KIAA0930: variants seen among roughly 807,000 people sequenced by gnomAD.
KIAA0930 encodes uncharacterized protein KIAA0930.
KIAA0930 carries 24 observed loss-of-function variants against 43.9 expected under a neutral mutation model. The observed-to-expected ratio is 0.55, with a 90% CI of 0.40 to 0.77. The LOEUF is 0.77. Ranked by LOEUF, KIAA0930 falls within the 30% of genes least tolerant of loss-of-function variation. The pLI is 0.00. For missense variants in KIAA0930, 461 were observed against 574.2 expected (o/e 0.80, Z 2.02); for synonymous variants, 259 against 216.4 (o/e 1.20, Z -1.73).
intron 1 of KIAA0930, among the ~76,000 whole-genome samples, chr22:45,220,503 CAA>C (rs749095162): frequency 1.3e-5 from 2 of 152,036 alleles, no homozygotes; most frequent in Non-Finnish European, 2.9e-5. Context: ...ATTTAGAGCT[CAA>C]AAGAGAAATA....
rs530491424 is a variant in KIAA0930, at chr22:45,210,152, G to A, written c.216+1804C>T. On this transcript the variant is annotated intron_variant, in intron 2 of 9. Transcript: ENST00000336156. The stretch of plus-strand genomic sequence containing the variant: ...AGTGTCTCAAATGCACCAAGTCCTC[G>A]TTAGAGCCCTGGCTTGCAACAGACT... Among the ~76,000 whole-genome samples the A allele has an allele frequency of 5.9e-5, 9 of 152,284 alleles. No individual in the cohort carries two copies. The South Asian group carries it at 1.4e-3, about 25-fold the overall frequency.
chr22:45,212,314 C>T lies in KIAA0930; in HGVS notation c.65-207G>A, dbSNP rs779434154. 2.5e-6 allele frequency: 4 copies of T among 1,612,740 alleles called. No homozygotes were observed. The Admixed American group carries it at 6.7e-5, about 27-fold the overall frequency. The stretch of plus-strand genomic sequence containing the variant: ...AGGACACCTCCCAGGAGGCCCAGTT[C>T]CTCCACTCAGCAGCAGCCTGAGAGC... On this transcript the variant is annotated intron_variant, in intron 1 of 9. Transcript: ENST00000336156.
chr22:45,213,502 C>G (rs755252950), intron 1 of KIAA0930: 2 of 1,187,384 alleles, frequency 1.7e-6, no homozygotes, highest in Non-Finnish European at 2.1e-6. Context: ...GAACGAAACA[C>G]GCGTGCTGTC....
At chr22:45,239,797 G>C (rs1601830770) in intron 1 of KIAA0930, among the ~76,000 whole-genome samples, 1 of 152,182 alleles carries the variant, frequency 6.6e-6, no homozygotes, top group Non-Finnish European at 1.5e-5. Flanking sequence ...TGACAATGTG[G>C]TATGAAGTCA....
intron 2 of KIAA0930, among the ~76,000 whole-genome samples, chr22:45,210,844 G>T (rs143500514): frequency 1.5e-5 from 1 of 65,534 alleles, no homozygotes; most frequent in Admixed American, 1.5e-4. Context: ...AAACTGCTGC[G>T]CCAAGGCCGC....
At chr22:45,212,526 C>A in intron 1 of KIAA0930, 1 of 1,411,332 alleles carries the variant, frequency 7.1e-7, no homozygotes, top group Non-Finnish European at 9.2e-7. Context: ...ATCTCTCACC[C>A]CCACCCACTC....
intron 5 of KIAA0930, 82 bp downstream of exon 5, chr22:45,205,135 G>C (rs941488337): frequency 2.5e-6 from 3 of 1,176,884 alleles, no homozygotes; most frequent in African/African-American, 3.0e-5. Flanking sequence ...CTTTCTGCAA[G>C]GCTAAGGCCG....
chr22:45,235,069 T>C (rs1236627365), intron 1 of KIAA0930, among the ~76,000 whole-genome samples: 1 of 152,078 alleles, frequency 6.6e-6, no homozygotes, highest in Non-Finnish European at 1.5e-5. Context: ...GCTTGGGGCT[T>C]CTTTACAGCA....
In KIAA0930 at chr22:45,213,599, A is replaced by G. The variant is rs947250368; in HGVS notation, c.65-1492T>C. 4.8e-6 allele frequency: 3 copies of G among 621,074 alleles called. No homozygotes were observed. In the African/African-American group the frequency reaches 6.0e-5, roughly 12 times the overall value. The allele number at this position is 621,074 out of a possible 1,614,324, so 38.5% of individuals were successfully genotyped here. ...CTACAGACCCTTGCAAAATTAAGCA[A>G]AGCGCTGTGATTATTCCTGGATAAA... On this transcript the variant is annotated intron_variant, in intron 1 of 9. Coordinates refer to ENST00000336156, the MANE Select transcript of KIAA0930 (RefSeq NM_001009880.2).
chr22:45,225,264 G>A (rs2083791640), intron 1 of KIAA0930, among the ~76,000 whole-genome samples: 1 of 152,004 alleles, frequency 6.6e-6, no homozygotes, highest in Non-Finnish European at 1.5e-5. Flanking sequence ...TCGGGGCACA[G>A]AAAACAAAGG....
rs576594220 is a variant in KIAA0930, at chr22:45,192,843, C to G, written c.*4333G>C. ...CCAGCCCTGAGGCCACTCGGTGTCC[C>G]GAGGAGTGCTCCAGGGCTCGGAGAA... On this transcript the variant is annotated 3_prime_UTR_variant, in exon 10 of 10. Transcript: ENST00000336156. The G allele has an allele frequency of 6.6e-6, 1 of 152,232 alleles. No individual in the cohort carries two copies. Among genetic ancestry groups the G allele is most frequent in the African/African-American group, 2.4e-5 (1 of 41,456 alleles). The allele number at this position is 152,232 out of a possible 1,614,324, so 9.4% of individuals were successfully genotyped here.
intron 1 of KIAA0930, among the ~76,000 whole-genome samples, chr22:45,217,284 CCGGGAGG>C (rs2083739093): frequency 6.9e-6 from 1 of 144,304 alleles, no homozygotes; most frequent in Middle Eastern, 3.4e-3. Flanking sequence ...TCGCTTGAAC[CCGGGAGG>C]CGGAAGTTGC....
At chr22:45,217,283 C>T (rs972438676) in intron 1 of KIAA0930, among the ~76,000 whole-genome samples, 1 of 144,584 alleles carries the variant, frequency 6.9e-6, no homozygotes, top group Non-Finnish European at 1.5e-5. Context: ...ATCGCTTGAA[C>T]CCGGGAGGCG....
chr22:45,206,716 T>TTTTTTTA (rs2083641409), intron 2 of KIAA0930, among the ~76,000 whole-genome samples: 3 of 146,074 alleles, frequency 2.1e-5, no homozygotes, highest in East Asian at 2.0e-4. Context: ...TTTTTTTTTT[T>TTTTTTTA]GAGACAGAAT....
chr22:45,230,832 G>A (rs1351388844), intron 1 of KIAA0930, among the ~76,000 whole-genome samples: 3 of 151,948 alleles, frequency 2.0e-5, no homozygotes, highest in Non-Finnish European at 2.9e-5. Context: ...CACCCACCTT[G>A]GCCTCCCAAA....
At chr22:45,205,584 C>T (rs780638267) in intron 4 of KIAA0930, 46 bp downstream of exon 4, 4 of 1,579,868 alleles carry the variant, frequency 2.5e-6, no homozygotes, top group East Asian at 2.2e-5. Flanking sequence ...CACGCCCAGC[C>T]TGAACTGGCA....
chr22:45,220,339 C>T (rs1197042820), intron 1 of KIAA0930, among the ~76,000 whole-genome samples: 2 of 151,792 alleles, frequency 1.3e-5, no homozygotes, highest in East Asian at 1.9e-4. Context: ...CCTATAATTC[C>T]AGCTACTCAG....
chr22:45,228,862 A>C (rs1396064356), intron 1 of KIAA0930, among the ~76,000 whole-genome samples: 1 of 41,826 alleles, frequency 2.4e-5, no homozygotes, highest in African/African-American at 1.2e-4. Flanking sequence ...TCACCCCCCA[A>C]CCACCACTCA....
rs200975542 is a variant in KIAA0930, at chr22:45,197,992, G to A, written c.1016-44C>T. On this transcript the variant is annotated intron_variant, in intron 8 of 9. Coordinates refer to ENST00000336156, the MANE Select transcript of KIAA0930 (RefSeq NM_001009880.2). The stretch of plus-strand genomic sequence containing the variant: ...GGTCAAGGCCCCCACAGCATGGGAC[G>A]CGGCGGGAGCAGCAGGAGGCCAGCT... 367 of 1,601,664 alleles carry A rather than the reference G, an allele frequency of 2.3e-4. 1 individual carries two copies. In the Admixed American group the frequency reaches 3.0e-3, roughly 13 times the overall value.
Sources: gnomAD v4.1 joint callset for allele counts (sites outside exome capture counted in the v4.1 genomes callset) on GRCh38, gnomAD v4.1.1 for gene constraint, MANE v1.5 for transcripts, NCBI Gene and HGNC (gene_info 2026-07-23, HGNC 2026-07-21) for gene names.